Variants in RASGRF2 observed in about 807,000 individuals in gnomAD.
RASGRF2 encodes ras-specific guanine nucleotide-releasing factor 2.
Under a neutral mutation model 151.0 loss-of-function variants are expected in RASGRF2, and 76 were observed. The ratio of observed to expected loss-of-function variants is 0.50; its 90% CI spans 0.42 to 0.61. RASGRF2 has a LOEUF of 0.61. Ranked by LOEUF, RASGRF2 falls within the 20% of genes least tolerant of loss-of-function variation. The pLI, the probability that RASGRF2 is intolerant of heterozygous loss-of-function variation, is 0.00. For synonymous variants in RASGRF2, 504 were observed against 566.5 expected, an observed-to-expected ratio of 0.89 and a Z score of 1.57; for missense variants, 1,148 against 1,564.6, an observed-to-expected ratio of 0.73 and a Z score of 4.49.
intron 15 of RASGRF2, among the ~76,000 whole-genome samples, chr5:81,115,439 G>T (rs9687170): frequency 6.6e-6 from 1 of 152,094 alleles, no homozygotes; most frequent in African/African-American, 2.4e-5. Flanking sequence ...TGCACCCAGC[G>T]CCAGTGCTTG....
At position 80,969,805 on chromosome 5, in the gene RASGRF2, A is replaced by ACTT. The variant is rs1177860923; in HGVS notation, c.288+8789_288+8791dup. 6.4e-3 allele frequency among the ~76,000 whole-genome samples: 801 copies of ACTT among 124,344 alleles called. 13 individuals are homozygous for ACTT. Among genetic ancestry groups the ACTT allele is most frequent in the African/African-American group, 0.017 (506 of 30,464 alleles). 81.6% of individuals were successfully genotyped at this position (124,344 alleles called of 152,430 possible). ...AGTTTCCTACACAGATGCCAATAAT[A>ACTT]CTTCTTCTTCTTTTTTTTTTTTTTT... On this transcript the variant is annotated intron_variant, in intron 1 of 26. Coordinates refer to ENST00000265080, the MANE Select transcript of RASGRF2 (RefSeq NM_006909.3).
chr5:81,085,394 G>A (rs1752198688), intron 7 of RASGRF2, among the ~76,000 whole-genome samples: 1 of 152,216 alleles, frequency 6.6e-6, no homozygotes, highest in African/African-American at 2.4e-5. Flanking sequence ...GAATAGTGCA[G>A]TGGGATTGTT....
At chr5:81,139,991 C>T (rs1753845779) in intron 17 of RASGRF2, among the ~76,000 whole-genome samples, 1 of 151,958 alleles carries the variant, frequency 6.6e-6, no homozygotes, top group Non-Finnish European at 1.5e-5. Context: ...CTAAATCTGG[C>T]TAATTTTTTT....
intron 1 of RASGRF2, among the ~76,000 whole-genome samples, chr5:81,031,570 A>G (rs1038346851): frequency 9.2e-5 from 14 of 152,232 alleles, no homozygotes; most frequent in African/African-American, 3.4e-4. Context: ...AACGAAATGA[A>G]GGCAGAAATA....
intron 1 of RASGRF2, among the ~76,000 whole-genome samples, chr5:80,994,881 C>T (rs1748783653): frequency 6.6e-6 from 1 of 152,186 alleles, no homozygotes. Context: ...TTTAAGTGCT[C>T]ATCTCCCTGA....
intron 17 of RASGRF2, among the ~76,000 whole-genome samples, chr5:81,152,669 C>A (rs1754164779): frequency 6.6e-6 from 1 of 152,160 alleles, no homozygotes. Context: ...AAAACAATGA[C>A]AAAATTGTAC....
intron 13 of RASGRF2, among the ~76,000 whole-genome samples, chr5:81,111,062 G>A (rs907760784): frequency 1.3e-5 from 2 of 152,178 alleles, no homozygotes; most frequent in African/African-American, 2.4e-5. Flanking sequence ...TAAGAAAGCA[G>A]TTGATTCCTT....
At chr5:81,149,586 A>G (rs1249704068) in intron 17 of RASGRF2, among the ~76,000 whole-genome samples, 1 of 151,936 alleles carries the variant, frequency 6.6e-6, no homozygotes, top group Non-Finnish European at 1.5e-5. Flanking sequence ...TCACTTATCC[A>G]TGTAACCAGA....
rs1750720898 is a variant in RASGRF2 at position 81,042,886 on chromosome 5, A to G, written c.298A>G (p.Thr100Ala). The change falls in exon 2 of 27, where the codon ACT becomes GCT. Residue 100 changes from threonine (T) to alanine (A), a missense_variant. By Grantham distance (58) the Thr-to-Ala change is moderately conservative. Coordinates refer to ENST00000265080, the MANE Select transcript of RASGRF2 (RefSeq NM_006909.3). ...RDALDKQYYFTVLFGHEGQKP... is the reference protein window; with the variant it reads ...RDALDKQYYFAVLFGHEGQKP... ...TTCTTTTTCTTTCCAGTATTACTTT[A>G]CTGTTCTTTTTGGCCATGAAGGTCA... The G allele has an allele frequency of 6.2e-7, 1 of 1,609,002 alleles. No homozygotes were observed. The highest frequency in any genetic ancestry group is 1.3e-5 in the African/African-American group (1 of 74,966).
intron 17 of RASGRF2, among the ~76,000 whole-genome samples, chr5:81,148,141 T>C (rs572641723): frequency 6.6e-6 from 1 of 152,340 alleles, no homozygotes; most frequent in East Asian, 1.9e-4. Flanking sequence ...AAGGCAGATA[T>C]CATCTTCCTC....
intron 17 of RASGRF2, 78 bp from the exon 18 acceptor site, chr5:81,180,097 C>T (rs1242383658): frequency 3.7e-6 from 3 of 804,602 alleles, no homozygotes; most frequent in East Asian, 2.5e-5. Flanking sequence ...TAACCAATGT[C>T]CTAAAATATA....
intron 18 of RASGRF2, among the ~76,000 whole-genome samples, chr5:81,196,057 G>A (rs1580397298): frequency 6.6e-6 from 1 of 152,266 alleles, no homozygotes; most frequent in South Asian, 2.1e-4. Flanking sequence ...TCAGGAGTTC[G>A]AGACCAGCCT....
chr5:81,094,360 A>G lies in RASGRF2; in HGVS notation c.1616A>G (p.Asp539Gly). The change falls in exon 11 of 27, where the codon GAC becomes GGC. Residue 539 changes from aspartate (D) to glycine (G), a missense_variant and splice_region_variant. By Grantham distance (94) the Asp-to-Gly change is moderately conservative. Transcript: ENST00000265080. ...GAGGAGCCAGATGCAAGCGATGATG[A>G]CTGTAAGTCACCTTCGATCACTTAG... The part of the protein sequence containing the change: ...LIEEPDASDD[D>G]SKGSGQVFGH... 6.2e-7 allele frequency: 1 copy of G among 1,611,504 alleles called. No homozygotes were observed. The highest frequency in any genetic ancestry group is 8.5e-7 in the Non-Finnish European group (1 of 1,178,748).
intron 17 of RASGRF2, among the ~76,000 whole-genome samples, chr5:81,151,178 G>A (rs1423388304): frequency 6.6e-6 from 1 of 152,134 alleles, no homozygotes; most frequent in Non-Finnish European, 1.5e-5. Context: ...CAAAGAGAGG[G>A]GACTAGATGT....
At chr5:80,999,966 G>T (rs886652265) in intron 1 of RASGRF2, among the ~76,000 whole-genome samples, 8 of 152,174 alleles carry the variant, frequency 5.3e-5, no homozygotes, top group African/African-American at 1.9e-4. Flanking sequence ...TTCAGAAAGG[G>T]CATGATGGGG....
intron 18 of RASGRF2, among the ~76,000 whole-genome samples, chr5:81,191,733 C>T (rs1755155994): frequency 6.6e-6 from 1 of 151,608 alleles, no homozygotes; most frequent in South Asian, 2.1e-4. Flanking sequence ...CCTTTTGGGG[C>T]GTAAAGATGT....
At chr5:81,097,327 A>G (rs895828697) in intron 12 of RASGRF2, among the ~76,000 whole-genome samples, 2 of 152,238 alleles carry the variant, frequency 1.3e-5, no homozygotes, top group South Asian at 4.1e-4. Context: ...TGGCTTTGAC[A>G]TTTGTGGTTT....
intron 1 of RASGRF2, among the ~76,000 whole-genome samples, chr5:81,009,499 G>A (rs1749385251): frequency 1.3e-5 from 2 of 152,166 alleles, no homozygotes. Context: ...TGGCAAACAT[G>A]AGGAGCAAAT....
chr5:81,154,575 C>T (rs1301969775), intron 17 of RASGRF2, among the ~76,000 whole-genome samples: 3 of 152,082 alleles, frequency 2.0e-5, no homozygotes, highest in African/African-American at 7.2e-5. Flanking sequence ...CTCCAAGATA[C>T]ACCATACATT....
Sources: allele counts gnomAD v4.1 joint callset (sites outside exome capture counted in the v4.1 genomes callset), GRCh38; gene constraint gnomAD v4.1.1; transcripts MANE v1.5; gene names NCBI Gene and HGNC (gene_info 2026-07-23, HGNC 2026-07-21).